MCC: variants seen among roughly 807,000 people sequenced by gnomAD.
MCC encodes colorectal mutant cancer protein.
In MCC, 90 loss-of-function variants were observed where a neutral mutation model predicts 116.2. That is an observed-to-expected ratio of 0.77 (90% CI 0.65 to 0.92). The LOEUF (loss-of-function observed/expected upper bound fraction) is 0.92, where lower values mean the gene tolerates loss of function less well. MCC is among the 40% of genes least tolerant of loss of function. The pLI is 0.00. For synonymous variants in MCC, 578 were observed against 510.5 expected, an observed-to-expected ratio of 1.13 and a Z score of -1.78; for missense variants, 1,516 against 1,312.2, an observed-to-expected ratio of 1.16 and a Z score of -2.40.
chr5:113,250,327 T>G (rs1042158201), intron 3 of MCC, among the ~76,000 whole-genome samples: 4 of 152,170 alleles, frequency 2.6e-5, no homozygotes, highest in African/African-American at 7.2e-5. Context: ...ACGTCCAACG[T>G]GGGAAAACTG....
chr5:113,041,874 T>C (rs1751727292), intron 17 of MCC, among the ~76,000 whole-genome samples: 2 of 152,060 alleles, frequency 1.3e-5, no homozygotes, highest in East Asian at 1.9e-4. Flanking sequence ...CGTGTGCCTG[T>C]AGTGCCAGCT....
chr5:113,081,671 A>G (rs537797125), intron 11 of MCC, among the ~76,000 whole-genome samples: 30 of 152,204 alleles, frequency 2.0e-4, no homozygotes, highest in Admixed American at 5.9e-4. Context: ...GATACTGAAA[A>G]GACTGCTTCT....
chr5:113,378,140 G>A (rs375226071), intron 2 of MCC, among the ~76,000 whole-genome samples: 112 of 152,248 alleles, frequency 7.4e-4, no homozygotes, highest in African/African-American at 2.6e-3. Flanking sequence ...CCAAATTCAG[G>A]AGGCTGCTTA....
At chr5:113,432,080 G>A (rs1447398178) in intron 1 of MCC, among the ~76,000 whole-genome samples, 1 of 152,272 alleles carries the variant, frequency 6.6e-6, no homozygotes, top group South Asian at 2.1e-4. Flanking sequence ...AGGTTTTGGT[G>A]AGCCAAGATC....
intron 3 of MCC, among the ~76,000 whole-genome samples, chr5:113,154,822 C>T (rs955272854): frequency 7.9e-5 from 12 of 152,136 alleles, no homozygotes; most frequent in Admixed American, 3.9e-4. Context: ...TGCATGCATA[C>T]AATGTGTAAT....
intron 3 of MCC, among the ~76,000 whole-genome samples, chr5:113,277,536 G>T (rs1045817549): frequency 6.6e-6 from 1 of 152,102 alleles, no homozygotes; most frequent in East Asian, 1.9e-4. Flanking sequence ...AGGTGGAAAT[G>T]CTCATGTGAT....
Position 113,434,110 on chromosome 5 carries a change from C to G in MCC, c.171-48898G>C, listed in dbSNP as rs540913761. The G allele has an allele frequency of 1.2e-6, 2 of 1,614,168 alleles. No homozygotes were observed. Among genetic ancestry groups the G allele is most frequent in the Admixed American group, 3.3e-5 (2 of 60,028 alleles). On this transcript the variant is annotated intron_variant, in intron 1 of 18. Transcript: ENST00000408903. This position sits in a 1 kb window ranked among gnomAD's most constrained non-coding sequence, Gnocchi z 4.2. ...ATGTGGTAGATGAGGTCCTTGCACT[C>G]GCCTGTCAGGTGCTTGGAGCGTGGG...
intron 10 of MCC, among the ~76,000 whole-genome samples, chr5:113,083,460 A>G (rs1283863701): frequency 6.6e-6 from 1 of 152,198 alleles, no homozygotes; most frequent in African/African-American, 2.4e-5. Flanking sequence ...TGCTCAGTGT[A>G]AAATTCTAAA....
intron 1 of MCC, among the ~76,000 whole-genome samples, chr5:113,403,476 A>G (rs1339794387): frequency 6.6e-6 from 1 of 152,226 alleles, no homozygotes. Context: ...TGTTCTACGT[A>G]ATTAAACAAA....
chr5:113,297,639 G>C (rs1766746578), intron 3 of MCC, among the ~76,000 whole-genome samples: 1 of 150,502 alleles, frequency 6.6e-6, no homozygotes, highest in Admixed American at 6.7e-5. Flanking sequence ...TGTAGTCCCA[G>C]CTACTCAGGA....
chr5:113,190,327 A>G (rs1762091086), intron 3 of MCC, among the ~76,000 whole-genome samples: 1 of 152,188 alleles, frequency 6.6e-6, no homozygotes, highest in South Asian at 2.1e-4. Context: ...AAGGATGATA[A>G]CAACAAATAG....
At chr5:113,384,583 G>A (rs532971946) in intron 2 of MCC, among the ~76,000 whole-genome samples, 12 of 152,170 alleles carry the variant, frequency 7.9e-5, no homozygotes, top group African/African-American at 2.2e-4. Flanking sequence ...GCAAGACTCC[G>A]TCCCCCGCCC....
intron 8 of MCC, among the ~76,000 whole-genome samples, chr5:113,100,198 T>C (rs1436183450): frequency 2.0e-5 from 3 of 152,190 alleles, no homozygotes; most frequent in Non-Finnish European, 4.4e-5. Context: ...TTAGCACAAA[T>C]GAAGAAGAGT....
chr5:113,217,669 A>C (rs1228240420), intron 3 of MCC, among the ~76,000 whole-genome samples: 1 of 149,412 alleles, frequency 6.7e-6, no homozygotes, highest in Non-Finnish European at 1.5e-5. Flanking sequence ...TAATCAGGGC[A>C]AACTCTGCCT....
intron 3 of MCC, among the ~76,000 whole-genome samples, chr5:113,325,876 C>G (rs1342459182): frequency 6.6e-6 from 1 of 152,110 alleles, no homozygotes; most frequent in Middle Eastern, 3.2e-3. Context: ...TTTTAGCCAA[C>G]AAGGTTTAAC....
intron 1 of MCC, among the ~76,000 whole-genome samples, chr5:113,425,926 T>A (rs541649156): frequency 7.2e-5 from 11 of 152,110 alleles, no homozygotes; most frequent in Non-Finnish European, 1.5e-4. Context: ...TTGGCAATAC[T>A]CTGAAGCCAT....
chr5:113,030,566 G>A (rs1363139946), intron 17 of MCC, among the ~76,000 whole-genome samples: 1 of 152,114 alleles, frequency 6.6e-6, no homozygotes, highest in African/African-American at 2.4e-5. Flanking sequence ...TGTAGTCCAT[G>A]CTACTCAGGA....
intron 1 of MCC, among the ~76,000 whole-genome samples, chr5:113,482,428 T>G (rs1221428322): frequency 6.6e-6 from 1 of 151,062 alleles, no homozygotes; most frequent in Admixed American, 6.6e-5. Flanking sequence ...ACTTATTATC[T>G]GACTTGTTGA....
At chr5:113,174,013 A>T (rs1761201366) in intron 3 of MCC, among the ~76,000 whole-genome samples, 1 of 152,200 alleles carries the variant, frequency 6.6e-6, no homozygotes, top group African/African-American at 2.4e-5. Context: ...CACTGGGTAG[A>T]TTAAGATGAA....
Sources: gnomAD v4.1 joint callset for allele counts (sites outside exome capture counted in the v4.1 genomes callset) on GRCh38, gnomAD v4.1.1 for gene constraint, Gnocchi (gnomAD v3.1) non-coding constraint, MANE v1.5 for transcripts, NCBI Gene and HGNC (gene_info 2026-07-23, HGNC 2026-07-21) for gene names.